AP3S1: variants seen among roughly 807,000 people sequenced by gnomAD.
AP3S1 encodes the protein adaptor related protein complex 3 subunit sigma 1.
AP3S1 carries 12 observed loss-of-function variants against 21.3 expected under a neutral mutation model. The observed-to-expected ratio is 0.56, with a 90% CI of 0.36 to 0.91. AP3S1 has a LOEUF of 0.91. Among genes scored for constraint, AP3S1 ranks in the 40% least tolerant of loss-of-function variants. The pLI, the probability that AP3S1 is intolerant of heterozygous loss-of-function variation, is 0.01. For synonymous variants in AP3S1, 48 were observed against 78.4 expected, an observed-to-expected ratio of 0.61 and a Z score of 2.05; for missense variants, 116 against 225.0, an observed-to-expected ratio of 0.52 and a Z score of 3.10.
At position 115,848,717 on chromosome 5, in the gene AP3S1, C is replaced by G. The variant is rs147441625; in HGVS notation, c.69+6611C>G. Among the ~76,000 whole-genome samples the G allele has an allele frequency of 8.4e-3, 1,284 of 152,264 alleles. 23 individuals carry two copies. The highest frequency in any genetic ancestry group is 0.03 in the African/African-American group (1,241 of 41,540). On this transcript the variant is annotated intron_variant, in intron 1 of 5. Transcript: ENST00000316788. Reference sequence around the variant, plus strand: ...AATTCAAGGTGATTCTGAGTTGTTACCATCTAGAGGGCCCAGTCCCCTTCC... The same window carrying G: ...AATTCAAGGTGATTCTGAGTTGTTAGCATCTAGAGGGCCCAGTCCCCTTCC...
chr5:115,842,434 C>G (rs1580590456), intron 1 of AP3S1: 3 of 238,382 alleles, frequency 1.3e-5, no homozygotes, highest in Middle Eastern at 2.6e-3. Context: ...CCAGCCGCGC[C>G]GCGGAGCCCT....
chr5:115,892,833 A>T (rs1202377685), intron 3 of AP3S1, among the ~76,000 whole-genome samples: 1 of 152,232 alleles, frequency 6.6e-6, no homozygotes, highest in African/African-American at 2.4e-5. Flanking sequence ...TGTTTGTAAC[A>T]CAAAGGATAA....
chr5:115,893,308 C>A (rs961644729), intron 3 of AP3S1, among the ~76,000 whole-genome samples: 1 of 151,970 alleles, frequency 6.6e-6, no homozygotes, highest in African/African-American at 2.4e-5. Context: ...TGGTTGCTTT[C>A]CATTTCAAGA....
chr5:115,872,170 C>G, intron 3 of AP3S1, among the ~76,000 whole-genome samples: 1 of 152,138 alleles, frequency 6.6e-6, no homozygotes, highest in Non-Finnish European at 1.5e-5. Context: ...TGTTCTGCAC[C>G]TGTCGTCCCA....
chr5:115,887,902 C>A (rs1041151396), intron 3 of AP3S1, among the ~76,000 whole-genome samples: 3 of 152,016 alleles, frequency 2.0e-5, no homozygotes, highest in Admixed American at 2.0e-4. Flanking sequence ...AAAACACAAG[C>A]ATGTTTTATA....
At chr5:115,904,270 T>TA (rs1751462081) in intron 5 of AP3S1, among the ~76,000 whole-genome samples, 1 of 152,210 alleles carries the variant, frequency 6.6e-6, no homozygotes. Context: ...ATCAAGGTTT[T>TA]AAAAATACAC....
At position 115,856,312 on chromosome 5, in the gene AP3S1, C is replaced by A. The variant is rs1198183363; in HGVS notation, c.70-10358C>A. On this transcript the variant is annotated intron_variant, in intron 1 of 5. Coordinates refer to ENST00000316788, the MANE Select transcript of AP3S1 (RefSeq NM_001284.4). ...AAGGCATTCTTTCCTATATTGTTTT[C>A]TTTTTTCTTCATTTTTAATTGATAT... 4.6e-5 allele frequency among the ~76,000 whole-genome samples: 7 copies of A among 151,860 alleles called. No individual in the cohort carries two copies. The East Asian group carries it at 7.7e-4, about 17-fold the overall frequency.
chr5:115,845,678 A>T (rs1423604515), intron 1 of AP3S1, among the ~76,000 whole-genome samples: 1 of 151,874 alleles, frequency 6.6e-6, no homozygotes, highest in Non-Finnish European at 1.5e-5. Flanking sequence ...TACTAAAAAT[A>T]CAAAAATTAG....
At chr5:115,911,264 T>C (rs1752083430) in intron 5 of AP3S1, among the ~76,000 whole-genome samples, 1 of 152,054 alleles carries the variant, frequency 6.6e-6, no homozygotes, top group Non-Finnish European at 1.5e-5. Flanking sequence ...TTCATGTACA[T>C]TTAATACTGA....
At chr5:115,881,447 T>C (rs934267616) in intron 3 of AP3S1, among the ~76,000 whole-genome samples, 1 of 152,210 alleles carries the variant, frequency 6.6e-6, no homozygotes, top group African/African-American at 2.4e-5. Context: ...TTATTTCTCC[T>C]TCACTTATGA....
At chr5:115,850,553 T>C (rs1441295259) in intron 1 of AP3S1, among the ~76,000 whole-genome samples, 2 of 152,174 alleles carry the variant, frequency 1.3e-5, no homozygotes, top group Non-Finnish European at 2.9e-5. Context: ...CAAACACCAT[T>C]CTACTTTGTG....
chr5:115,900,290 T>C (rs1751102136), intron 4 of AP3S1, among the ~76,000 whole-genome samples: 1 of 152,236 alleles, frequency 6.6e-6, no homozygotes, highest in South Asian at 2.1e-4. Flanking sequence ...TCCTATGGCA[T>C]AAAATTTTTA....
intron 2 of AP3S1, 22 bp from the exon 3 acceptor site, chr5:115,869,995 T>G (rs1345578728): frequency 7.8e-7 from 1 of 1,280,258 alleles, no homozygotes; most frequent in Admixed American, 2.1e-5. Context: ...TCCAATAACA[T>G]TACAATTTTT....
intron 5 of AP3S1, among the ~76,000 whole-genome samples, chr5:115,906,575 T>C (rs1397982943): frequency 1.3e-5 from 2 of 150,962 alleles, no homozygotes; most frequent in Admixed American, 1.3e-4. Context: ...GGGTTTAAGC[T>C]GGGAGGTTGA....
intron 1 of AP3S1, among the ~76,000 whole-genome samples, chr5:115,856,840 G>A (rs1762835911): frequency 2.6e-5 from 4 of 152,060 alleles, no homozygotes; most frequent in Non-Finnish European, 5.9e-5. Context: ...CATTCTTCTG[G>A]AAGTTTTAAA....
chr5:115,897,488 A>AT (rs1015421405), intron 4 of AP3S1, among the ~76,000 whole-genome samples: 4 of 152,206 alleles, frequency 2.6e-5, no homozygotes, highest in South Asian at 2.1e-4. Flanking sequence ...ATATAGATAT[A>AT]TTTTTTTAAA....
At chr5:115,858,794 T>C (rs1403865542) in intron 1 of AP3S1, among the ~76,000 whole-genome samples, 1 of 150,780 alleles carries the variant, frequency 6.6e-6, no homozygotes, top group Non-Finnish European at 1.5e-5. Flanking sequence ...TATAATATAC[T>C]GTTATTTTAT....
chr5:115,855,037 A>ATCTG (rs1561476432), intron 1 of AP3S1, among the ~76,000 whole-genome samples: 1 of 151,328 alleles, frequency 6.6e-6, no homozygotes, highest in African/African-American at 2.4e-5. Flanking sequence ...CTATCTATCT[A>ATCTG]TCTATCTATC....
intron 1 of AP3S1, among the ~76,000 whole-genome samples, chr5:115,859,522 AC>A (rs1763022270): frequency 6.6e-6 from 1 of 152,218 alleles, no homozygotes; most frequent in Non-Finnish European, 1.5e-5. Context: ...ATTTCAGGCT[AC>A]TGACATGATG....
Sources: gnomAD v4.1 joint callset for allele counts (sites outside exome capture counted in the v4.1 genomes callset) on GRCh38, gnomAD v4.1.1 for gene constraint, MANE v1.5 for transcripts, NCBI Gene and HGNC (gene_info 2026-07-23, HGNC 2026-07-21) for gene names.